The following NOTCH1 variants were observed in gnomAD, a reference collection of about 807,000 sequenced individuals.
NOTCH1 encodes neurogenic locus notch homolog protein 1.
In NOTCH1, 37 loss-of-function variants were observed where a neutral mutation model predicts 254.8. The ratio of observed to expected loss-of-function variants is 0.15; its 90% CI spans 0.11 to 0.19. The LOEUF (loss-of-function observed/expected upper bound fraction) is 0.19, where lower values mean the gene tolerates loss of function less well. Ranked by LOEUF, NOTCH1 falls within the 10% of genes least tolerant of loss-of-function variation. NOTCH1 has a pLI of 1.00. For missense variants in NOTCH1, 2,972 were observed against 3,708.6 expected (o/e 0.80, Z 5.16); for synonymous variants, 1,731 against 1,618.1 (o/e 1.07, Z -1.68).
intron 5 of NOTCH1, 35 bp downstream of exon 5, chr9:136,519,408 C>G: frequency 1.2e-6 from 2 of 1,611,444 alleles, no homozygotes; most frequent in Non-Finnish European, 1.7e-6. Context: ...AGCCCCGCCC[C>G]GGCTACCCCG....
At position 136,498,867 on chromosome 9, in the gene NOTCH1, C is replaced by T. The variant is rs200080667; in HGVS notation, c.6180+32G>A. 147 of 1,609,856 alleles carry T rather than the reference C, an allele frequency of 9.1e-5. No homozygotes were observed. In the African/African-American group the frequency reaches 1.4e-3, roughly 16 times the overall value. On this transcript the variant is annotated intron_variant, in intron 33 of 33. Transcript: ENST00000651671. Reference sequence around the variant, plus strand: ...CACTTCTCTGTGGATTCAGCCCTCACGTCTCCCCTGGCATCCCAGCCTCGC... The same window carrying T: ...CACTTCTCTGTGGATTCAGCCCTCATGTCTCCCCTGGCATCCCAGCCTCGC...
intron 2 of NOTCH1, 124 bp from the exon 3 acceptor site, chr9:136,524,103 G>T: frequency 7.9e-7 from 1 of 1,270,108 alleles, no homozygotes; most frequent in African/African-American, 1.5e-5. Flanking sequence ...GGGCACAACG[G>T]CTGCTTAGCG....
chr9:136,497,920 G>A (rs1033926897), intron 33 of NOTCH1, among the ~76,000 whole-genome samples: 1 of 152,210 alleles, frequency 6.6e-6, no homozygotes, highest in African/African-American at 2.4e-5. Context: ...GAGCGGTTCA[G>A]AGGCACCGGC....
Sources: gnomAD v4.1 joint callset for allele counts (sites outside exome capture counted in the v4.1 genomes callset) on GRCh38, gnomAD v4.1.1 for gene constraint, MANE v1.5 for transcripts, NCBI Gene and HGNC (gene_info 2026-07-23, HGNC 2026-07-21) for gene names.